The following ZEB1 variants were observed in gnomAD, a reference collection of about 807,000 sequenced individuals.
ZEB1 encodes zinc finger E-box binding homeobox 1.
Under a neutral mutation model 84.9 loss-of-function variants are expected in ZEB1, and 21 were observed. The observed-to-expected ratio is 0.25, with a 90% CI of 0.18 to 0.36. ZEB1 has a LOEUF of 0.36. Among genes scored for constraint, ZEB1 ranks in the 10% least tolerant of loss-of-function variants. The pLI, the probability that ZEB1 is intolerant of heterozygous loss-of-function variation, is 1.00. For synonymous variants in ZEB1, 420 were observed against 471.1 expected (o/e 0.89, Z 1.41); for missense variants, 1,104 against 1,330.2 (o/e 0.83, Z 2.65).
chr10:31,524,823 C>T (rs773917557), intron 8 of ZEB1, among the ~76,000 whole-genome samples: 3 of 152,076 alleles, frequency 2.0e-5, no homozygotes, highest in East Asian at 1.9e-4. Context: ...CATAAGCATG[C>T]GGCAAGCTGT....
intron 2 of ZEB1, among the ~76,000 whole-genome samples, chr10:31,478,670 A>G (rs1315675570): frequency 1.3e-5 from 2 of 152,006 alleles, no homozygotes; most frequent in Admixed American, 6.6e-5. Context: ...CTATGCAGTC[A>G]TAAAAACAAA....
At chr10:31,382,006 C>CAAAAAAAAAAAAAAAAAA (rs535534850) in intron 1 of ZEB1, among the ~76,000 whole-genome samples, 2 of 40,768 alleles carry the variant, frequency 4.9e-5, no homozygotes, top group African/African-American at 9.0e-5. Context: ...GAGACTGTCT[C>CAAAAAAAAAAAAAAAAAA]AAAAAAAAAA....
chr10:31,421,366 G>C (rs1473277218), intron 1 of ZEB1, among the ~76,000 whole-genome samples: 1 of 152,140 alleles, frequency 6.6e-6, no homozygotes, highest in Non-Finnish European at 1.5e-5. Flanking sequence ...TAATCTACCA[G>C]TGGTTTCAAG....
rs750598354 is a variant in ZEB1, at chr10:31,526,975, C to T, written c.3089C>T (p.Thr1030Ile). The change falls in exon 9 of 9, where the codon ACA becomes ATA. Residue 1030 changes from threonine to isoleucine, a missense_variant. This residue lies in a region of ZEB1 where 173 missense variants were observed against 167.0 expected (regional missense o/e 1.04). Transcript: ENST00000424869. ...GACTCGGACGAGAGAGAGAGTTTGACAAGGGAAGAGGATGAAGACAGTGAA... is the reference window on the plus strand; with the variant it reads ...GACTCGGACGAGAGAGAGAGTTTGATAAGGGAAGAGGATGAAGACAGTGAA... Reference protein sequence around the residue: ...QGDSDERESLTREEDEDSEKE... With the variant: ...QGDSDERESLIREEDEDSEKE... The T allele has an allele frequency of 6.2e-7, 1 of 1,612,608 alleles. No individual in the cohort carries two copies. The highest frequency in any genetic ancestry group is 8.5e-7 in the Non-Finnish European group (1 of 1,179,480).
At chr10:31,494,357 G>C (rs927622095) in intron 2 of ZEB1, among the ~76,000 whole-genome samples, 18 of 152,000 alleles carry the variant, frequency 1.2e-4, no homozygotes, top group Admixed American at 9.8e-4. Context: ...TTTTTACATT[G>C]ATCTAAAGAG....
At chr10:31,433,794 T>C (rs1197411719) in intron 1 of ZEB1, among the ~76,000 whole-genome samples, 1 of 152,248 alleles carries the variant, frequency 6.6e-6, no homozygotes, top group African/African-American at 2.4e-5. Context: ...TATAGTTTGC[T>C]GCTGCTGCCT....
chr10:31,361,978 G>A (rs185954810), intron 1 of ZEB1, among the ~76,000 whole-genome samples: 1,695 of 145,544 alleles, frequency 0.012, 16 homozygotes, highest in African/African-American at 0.041. Flanking sequence ...GGGCAGAGGC[G>A]CTCCTCATTT....
chr10:31,461,050 T>C lies in ZEB1; in HGVS notation c.72T>C (p.Asn24=), dbSNP rs2061750185. 1.2e-6 allele frequency: 2 copies of C among 1,612,576 alleles called. No homozygotes were observed. Among genetic ancestry groups the C allele is most frequent in the Admixed American group, 1.7e-5 (1 of 59,804 alleles). ...TTTGTATTACAGTTACAAATTATAATACTGTGGTAGAAACAAATTCAGATT... is the reference window on the plus strand; with the variant it reads ...TTTGTATTACAGTTACAAATTATAACACTGTGGTAGAAACAAATTCAGATT... The part of the protein sequence containing the change: ...NPRRNNVTNY[N]TVVETNSDSD... The change falls in exon 2 of 9, where the codon AAT becomes AAC. Residue 24 remains asparagine (N), a synonymous_variant. Transcript: ENST00000424869.
At chr10:31,337,709 G>A (rs1416257379) in intron 1 of ZEB1, among the ~76,000 whole-genome samples, 4 of 79,296 alleles carry the variant, frequency 5.0e-5, no homozygotes, top group African/African-American at 2.5e-4. Flanking sequence ...TTTTTTTGAT[G>A]GAGTCTTGCT....
intron 1 of ZEB1, among the ~76,000 whole-genome samples, chr10:31,367,292 T>C (rs2044708663): frequency 4.6e-5 from 7 of 152,350 alleles, no homozygotes; most frequent in Admixed American, 4.6e-4. Flanking sequence ...CCCCTTTCTC[T>C]TTAACACAAT....
chr10:31,483,420 C>A (rs977137330), intron 2 of ZEB1, among the ~76,000 whole-genome samples: 1 of 151,818 alleles, frequency 6.6e-6, no homozygotes, highest in Non-Finnish European at 1.5e-5. Flanking sequence ...GCATGCTATT[C>A]TTTTTTTCTT....
chr10:31,460,014 T>G (rs918159047), intron 1 of ZEB1, among the ~76,000 whole-genome samples: 1 of 151,966 alleles, frequency 6.6e-6, no homozygotes, highest in African/African-American at 2.4e-5. Flanking sequence ...AAGTGAAGCT[T>G]CTTTTTCTCC....
At position 31,449,833 on chromosome 10, in the gene ZEB1, A is replaced by T. The variant is rs183493305; in HGVS notation, c.59-11204A>T. Reference sequence around the variant, plus strand: ...AATAATACCAACAGTATGTATCAAGAATATATGTGCAGTATTACCAAGTGT... The same window carrying T: ...AATAATACCAACAGTATGTATCAAGTATATATGTGCAGTATTACCAAGTGT... On this transcript the variant is annotated intron_variant, in intron 1 of 8. Transcript: ENST00000424869. Among the ~76,000 whole-genome samples, 1,063 of 152,308 alleles carry T rather than the reference A, an allele frequency of 7.0e-3. 11 individuals are homozygous for T. Among genetic ancestry groups the T allele is most frequent in the African/African-American group, 0.024 (977 of 41,556 alleles).
intron 8 of ZEB1, among the ~76,000 whole-genome samples, chr10:31,525,617 T>A (rs1416085367): frequency 6.6e-6 from 1 of 152,220 alleles, no homozygotes; most frequent in Non-Finnish European, 1.5e-5. Flanking sequence ...CTACCAGCCA[T>A]TATGACTACA....
intron 1 of ZEB1, among the ~76,000 whole-genome samples, chr10:31,371,588 C>G (rs1255995146): frequency 6.6e-6 from 1 of 152,164 alleles, no homozygotes; most frequent in African/African-American, 2.4e-5. Context: ...TATTAAACTG[C>G]CTCAATGTGC....
intron 1 of ZEB1, among the ~76,000 whole-genome samples, chr10:31,411,322 A>G (rs2054199756): frequency 6.6e-6 from 1 of 152,202 alleles, no homozygotes; most frequent in Admixed American, 6.5e-5. Flanking sequence ...CAATGAGAAC[A>G]AAGACACACC....
intron 1 of ZEB1, among the ~76,000 whole-genome samples, chr10:31,400,379 G>A (rs1410698478): frequency 1.3e-5 from 2 of 152,108 alleles, no homozygotes; most frequent in Non-Finnish European, 2.9e-5. Context: ...AAATATTCCA[G>A]TAAATGACAT....
intron 1 of ZEB1, among the ~76,000 whole-genome samples, chr10:31,396,351 TATA>T (rs1232101613): frequency 1.3e-5 from 2 of 152,162 alleles, no homozygotes; most frequent in African/African-American, 4.8e-5. Context: ...CACAAATTAT[TATA>T]TGACTCGCTG....
chr10:31,452,233 C>T (rs960145651), intron 1 of ZEB1, among the ~76,000 whole-genome samples: 28 of 151,816 alleles, frequency 1.8e-4, no homozygotes, highest in African/African-American at 6.0e-4. Flanking sequence ...ATTATGATAC[C>T]TATTTTTAGA....
Sources: allele counts gnomAD v4.1 joint callset (sites outside exome capture counted in the v4.1 genomes callset), GRCh38; gene constraint gnomAD v4.1.1; regional missense constraint gnomAD v4.1.1; transcripts MANE v1.5; gene names NCBI Gene and HGNC (gene_info 2026-07-23, HGNC 2026-07-21).